KLF12: variants seen among roughly 807,000 people sequenced by gnomAD.
The protein encoded by KLF12 is KLF transcription factor 12.
In KLF12, 9 loss-of-function variants were observed where a neutral mutation model predicts 37.8. The observed-to-expected ratio is 0.24, with a 90% CI of 0.14 to 0.42. The LOEUF (loss-of-function observed/expected upper bound fraction) is 0.42. KLF12 is among the 10% of genes least tolerant of loss of function. The pLI, the probability that KLF12 is intolerant of heterozygous loss-of-function variation, is 1.00. For synonymous variants in KLF12, 208 were observed against 202.1 expected, an observed-to-expected ratio of 1.03 and a Z score of -0.25; for missense variants, 411 against 516.0, an observed-to-expected ratio of 0.80 and a Z score of 1.97.
chr13:74,293,752 T>C, the KLF12 span, among the ~76,000 whole-genome samples: 1 of 152,188 alleles, frequency 6.6e-6, no homozygotes, highest in African/African-American at 2.4e-5. Context: ...TATAAAACAC[T>C]GCATTTGAAG....
intron 3 of KLF12, among the ~76,000 whole-genome samples, chr13:73,910,253 T>C (rs560706377): frequency 6.6e-6 from 1 of 152,330 alleles, no homozygotes; most frequent in Non-Finnish European, 1.5e-5. Flanking sequence ...TTTAAAATTC[T>C]GTAGTGTTTG....
At chr13:73,935,154 A>T (rs1385101522) in intron 3 of KLF12, among the ~76,000 whole-genome samples, 2 of 151,074 alleles carry the variant, frequency 1.3e-5, no homozygotes, top group South Asian at 2.1e-4. Flanking sequence ...TAATTTTTGT[A>T]TTTTTTTATT....
Position 73,711,668 on chromosome 13 carries a change from A to G in KLF12, c.1027+3700T>C, listed in dbSNP as rs149510650. ...CTGCTCACTGACAATGCACCTGGTC[A>G]CCCTAGAGCTCTGATGAGATGTACA... On this transcript the variant is annotated intron_variant, in intron 7 of 7. Transcript: ENST00000377669. 3.3e-3 allele frequency among the ~76,000 whole-genome samples: 507 copies of G among 152,296 alleles called. 4 individuals are homozygous for G. The highest frequency in any genetic ancestry group is 0.012 in the African/African-American group (491 of 41,568).
At chr13:74,115,119 A>G (rs1877214874) in intron 1 of KLF12, among the ~76,000 whole-genome samples, 1 of 152,186 alleles carries the variant, frequency 6.6e-6, no homozygotes, top group Non-Finnish European at 1.5e-5. Context: ...AAATTAACAA[A>G]GTTAGTTATC....
chr13:73,794,661 C>T (rs1881864905), intron 5 of KLF12, among the ~76,000 whole-genome samples: 1 of 152,108 alleles, frequency 6.6e-6, no homozygotes, highest in African/African-American at 2.4e-5. Flanking sequence ...CCTTAAGTTC[C>T]CCTTCTCCTG....
At chr13:74,287,971 C>T in the KLF12 span, among the ~76,000 whole-genome samples, 1 of 151,450 alleles carries the variant, frequency 6.6e-6, no homozygotes, top group African/African-American at 2.4e-5. Context: ...CCCCCTCCCA[C>T]CCGGCCCAGG....
upstream of KLF12, among the ~76,000 whole-genome samples, chr13:74,135,894 CCCATCGGTGTGG>C (rs1878538748): frequency 6.6e-6 from 1 of 152,154 alleles, no homozygotes; most frequent in Admixed American, 6.5e-5. Context: ...AGCTGGGCTC[CCCATCGGTGTGG>C]CGGTTTCCAG....
chr13:74,100,856 C>T (rs963051936), intron 1 of KLF12, among the ~76,000 whole-genome samples: 13 of 152,172 alleles, frequency 8.5e-5, no homozygotes, highest in African/African-American at 2.9e-4. Context: ...AAAGTCCGAC[C>T]TTCCCTTGTT....
chr13:73,810,404 T>A (rs549615739), intron 5 of KLF12, among the ~76,000 whole-genome samples: 2 of 152,290 alleles, frequency 1.3e-5, no homozygotes, highest in East Asian at 3.9e-4. Context: ...TTATTTGCTA[T>A]ACAAGCCCCA....
At chr13:74,064,916 C>G (rs569818838) in intron 1 of KLF12, among the ~76,000 whole-genome samples, 2 of 152,312 alleles carry the variant, frequency 1.3e-5, no homozygotes, top group African/African-American at 4.8e-5. Context: ...TCATACTACT[C>G]TAAGTCTGAT....
intron 5 of KLF12, among the ~76,000 whole-genome samples, chr13:73,788,289 T>C (rs1405656188): frequency 6.6e-6 from 1 of 152,226 alleles, no homozygotes; most frequent in Non-Finnish European, 1.5e-5. Flanking sequence ...TCAAAGCAAC[T>C]GATCTGGAAG....
At chr13:73,733,050 A>G (rs1877187916) in intron 6 of KLF12, among the ~76,000 whole-genome samples, 1 of 151,914 alleles carries the variant, frequency 6.6e-6, no homozygotes, top group African/African-American at 2.4e-5. Flanking sequence ...TGCCATACTC[A>G]TCTCTTATCT....
the KLF12 span, among the ~76,000 whole-genome samples, chr13:74,189,603 G>C: frequency 6.6e-6 from 1 of 152,086 alleles, no homozygotes; most frequent in African/African-American, 2.4e-5. Flanking sequence ...AAATTCAAGA[G>C]GTATGAAAGC....
intron 5 of KLF12, among the ~76,000 whole-genome samples, chr13:73,795,904 G>A (rs1881933644): frequency 6.6e-6 from 1 of 152,164 alleles, no homozygotes; most frequent in African/African-American, 2.4e-5. Context: ...TGGATAAGAA[G>A]ATAAAGATGA....
At chr13:73,717,595 C>A (rs1407165350) in intron 6 of KLF12, among the ~76,000 whole-genome samples, 1 of 152,210 alleles carries the variant, frequency 6.6e-6, no homozygotes, top group African/African-American at 2.4e-5. Flanking sequence ...CAAATATAAA[C>A]AACATTTATC....
chr13:73,801,171 T>C (rs1882261804), intron 5 of KLF12: 1 of 152,100 alleles, frequency 6.6e-6, no homozygotes, highest in African/African-American at 2.4e-5. Flanking sequence ...TGTCCTTCAC[T>C]TTTTTACTTT....
intron 6 of KLF12, among the ~76,000 whole-genome samples, chr13:73,744,751 C>A (rs762853431): frequency 5.0e-4 from 76 of 152,260 alleles, no homozygotes; most frequent in Non-Finnish European, 7.9e-4. Flanking sequence ...CTTGCCAAAC[C>A]TGCATCAGGA....
the KLF12 span, among the ~76,000 whole-genome samples, chr13:74,155,615 G>A: frequency 1.3e-5 from 2 of 151,928 alleles, no homozygotes; most frequent in Non-Finnish European, 2.9e-5. Context: ...CACCCATCTC[G>A]GTCTCCCAAA....
At chr13:73,778,673 G>C (rs1477129184) in intron 5 of KLF12, among the ~76,000 whole-genome samples, 1 of 152,098 alleles carries the variant, frequency 6.6e-6, no homozygotes, top group East Asian at 1.9e-4. Flanking sequence ...CCTGTGCTAA[G>C]AGTTTCACTA....
Sources: gnomAD v4.1 joint callset for allele counts (sites outside exome capture counted in the v4.1 genomes callset) on GRCh38, gnomAD v4.1.1 for gene constraint, MANE v1.5 for transcripts, NCBI Gene and HGNC (gene_info 2026-07-23, HGNC 2026-07-21) for gene names.